The following CTIF variants were observed in gnomAD, a reference collection of about 807,000 sequenced individuals.
The protein encoded by CTIF is CBP80/20-dependent translation initiation factor.
CTIF carries 21 observed loss-of-function variants against 66.0 expected under a neutral mutation model. The ratio of observed to expected loss-of-function variants is 0.32; its 90% CI spans 0.23 to 0.46. The LOEUF (loss-of-function observed/expected upper bound fraction) is 0.46. CTIF is among the 20% of genes least tolerant of loss of function. The pLI is 1.00. For missense variants in CTIF, 739 were observed against 812.7 expected (o/e 0.91, Z 1.10); for synonymous variants, 345 against 326.4 (o/e 1.06, Z -0.62).
chr18:48,575,745 G>C (rs1209209148), intron 1 of CTIF, among the ~76,000 whole-genome samples: 3 of 152,242 alleles, frequency 2.0e-5, no homozygotes, highest in Non-Finnish European at 2.9e-5. Context: ...TTTGATGAAG[G>C]CTGCTTTGTG....
At chr18:48,607,326 T>G (rs1476220753) in intron 1 of CTIF, among the ~76,000 whole-genome samples, 2 of 152,338 alleles carry the variant, frequency 1.3e-5, no homozygotes, top group East Asian at 1.9e-4. Flanking sequence ...CTGTGGTTGC[T>G]GTCCAGCATG....
rs145288606 is a variant in CTIF at position 48,658,946 on chromosome 18, G to A, written c.253-4806G>A. Among the ~76,000 whole-genome samples the A allele has an allele frequency of 8.2e-3, 1,255 of 152,240 alleles. 9 individuals carry two copies. The highest frequency in any genetic ancestry group is 0.014 in the Middle Eastern group (4 of 294). ...GCTTGGCAGTTAATAACTCTGTTGC[G>A]TGAGGCCTGGCCCCCTGGGCACTGC... On this transcript the variant is annotated intron_variant, in intron 3 of 11. Coordinates refer to ENST00000256413, the MANE Select transcript of CTIF (RefSeq NM_014772.3).
chr18:48,542,140 TGA>T (rs1798305785), intron 1 of CTIF, among the ~76,000 whole-genome samples: 1 of 152,236 alleles, frequency 6.6e-6, no homozygotes, highest in African/African-American at 2.4e-5. Context: ...CCATTCCTAA[TGA>T]GAGCAGCCAC....
intron 2 of CTIF, among the ~76,000 whole-genome samples, chr18:48,627,240 T>C (rs925676769): frequency 6.6e-6 from 1 of 152,126 alleles, no homozygotes; most frequent in Non-Finnish European, 1.5e-5. Context: ...TATAATAGAA[T>C]GAAAGCTAAC....
intron 3 of CTIF, among the ~76,000 whole-genome samples, chr18:48,657,881 C>T (rs970270330): frequency 5.9e-5 from 9 of 152,162 alleles, no homozygotes; most frequent in African/African-American, 1.4e-4. Flanking sequence ...TGGGATGAGC[C>T]GAGCTTGGGT....
At chr18:48,679,651 C>T (rs557900094) in intron 6 of CTIF, among the ~76,000 whole-genome samples, 2 of 152,212 alleles carry the variant, frequency 1.3e-5, no homozygotes, top group African/African-American at 4.8e-5. Context: ...CTTTCTTGCT[C>T]AAATCTTCCC....
At chr18:48,781,216 T>C (rs1000212632) in intron 9 of CTIF, among the ~76,000 whole-genome samples, 4 of 152,324 alleles carry the variant, frequency 2.6e-5, no homozygotes, top group African/African-American at 9.6e-5. Flanking sequence ...TGTCTGTCCC[T>C]GCAAACACAA....
intron 6 of CTIF, among the ~76,000 whole-genome samples, chr18:48,681,656 G>A (rs899626950): frequency 1.6e-4 from 25 of 152,228 alleles, no homozygotes; most frequent in African/African-American, 5.3e-4. Context: ...CTGTGACTCC[G>A]AGTCTGTCTG....
intron 1 of CTIF, among the ~76,000 whole-genome samples, chr18:48,602,846 GATGA>G (rs1162158912): frequency 3.9e-4 from 53 of 135,262 alleles, no homozygotes; most frequent in Non-Finnish European, 7.0e-4. Context: ...TGGATGGATG[GATGA>G]ATGGATGGAT....
intron 1 of CTIF, among the ~76,000 whole-genome samples, chr18:48,544,810 T>C (rs2088706995): frequency 6.6e-6 from 1 of 152,208 alleles, no homozygotes; most frequent in Non-Finnish European, 1.5e-5. Context: ...ACAGTAGTTG[T>C]CGGGCTGCTT....
At chr18:48,652,813 G>A (rs1439370923) in intron 3 of CTIF, among the ~76,000 whole-genome samples, 1 of 152,172 alleles carries the variant, frequency 6.6e-6, no homozygotes, top group African/African-American at 2.4e-5. Context: ...GGGATGCAAG[G>A]CTGGTTCAAC....
At chr18:48,593,584 G>A (rs955711004) in intron 1 of CTIF, among the ~76,000 whole-genome samples, 123 of 151,592 alleles carry the variant, frequency 8.1e-4, no homozygotes, top group African/African-American at 2.7e-3. Context: ...GGGTTTCACC[G>A]TATTAGCCAG....
intron 3 of CTIF, among the ~76,000 whole-genome samples, chr18:48,658,150 TGTTTGTGTGTG>T (rs1225133146): frequency 6.6e-6 from 1 of 151,998 alleles, no homozygotes; most frequent in Non-Finnish European, 1.5e-5. Context: ...GGTACATGTA[TGTTTGTGTGTG>T]ATGTGTGTGT....
chr18:48,737,721 T>C (rs1235784139), intron 7 of CTIF, among the ~76,000 whole-genome samples: 1 of 152,162 alleles, frequency 6.6e-6, no homozygotes, highest in African/African-American at 2.4e-5. Flanking sequence ...TTAACGATAA[T>C]GAATGGATGG....
chr18:48,736,217 G>A (rs943060043), intron 7 of CTIF, among the ~76,000 whole-genome samples: 2 of 152,236 alleles, frequency 1.3e-5, no homozygotes, highest in Non-Finnish European at 2.9e-5. Context: ...CCATGGGGCT[G>A]TGGTTAATGA....
intron 9 of CTIF, among the ~76,000 whole-genome samples, chr18:48,772,630 A>G (rs1255045544): frequency 6.6e-6 from 1 of 151,448 alleles, no homozygotes; most frequent in Non-Finnish European, 1.5e-5. Flanking sequence ...TTCACTTCAC[A>G]TCATGGTTTC....
intron 6 of CTIF, among the ~76,000 whole-genome samples, chr18:48,695,401 C>T (rs2145316885): frequency 6.6e-6 from 1 of 152,308 alleles, no homozygotes; most frequent in East Asian, 1.9e-4. Context: ...GGAACCCACG[C>T]ACACACTTCT....
intron 9 of CTIF, among the ~76,000 whole-genome samples, chr18:48,764,103 AG>A (rs1909274990): frequency 6.6e-6 from 1 of 151,866 alleles, no homozygotes; most frequent in African/African-American, 2.4e-5. Context: ...TCCCACTCTG[AG>A]CATGCACCTC....
At chr18:48,552,243 A>G (rs2088901846) in intron 1 of CTIF, among the ~76,000 whole-genome samples, 1 of 152,228 alleles carries the variant, frequency 6.6e-6, no homozygotes. Flanking sequence ...GGGGACATTT[A>G]AGCAAGAAAA....
Sources: gnomAD v4.1 joint callset for allele counts (sites outside exome capture counted in the v4.1 genomes callset) on GRCh38, gnomAD v4.1.1 for gene constraint, MANE v1.5 for transcripts, NCBI Gene and HGNC (gene_info 2026-07-23, HGNC 2026-07-21) for gene names.